DNAJC13: variants seen among roughly 807,000 people sequenced by gnomAD.
DNAJC13 encodes the protein DnaJ heat shock protein family (Hsp40) member C13, also known as dnaJ homolog subfamily C member 13.
In DNAJC13, 75 loss-of-function variants were observed where a neutral mutation model predicts 290.5. That is an observed-to-expected ratio of 0.26 (90% CI 0.21 to 0.31). DNAJC13 has a LOEUF of 0.31. DNAJC13 is among the 10% of genes least tolerant of loss of function. The probability of loss-of-function intolerance (pLI) is 1.00; values close to 1 mark genes in which losing one functional copy is unlikely to be tolerated. For synonymous variants in DNAJC13, 862 were observed against 892.0 expected (o/e 0.97, Z 0.60); for missense variants, 2,260 against 2,674.5 (o/e 0.85, Z 3.42).
intron 35 of DNAJC13, among the ~76,000 whole-genome samples, chr3:132,496,254 G>C (rs1270624542): frequency 6.6e-6 from 1 of 152,032 alleles, no homozygotes; most frequent in Non-Finnish European, 1.5e-5. Flanking sequence ...ACTCTCTCTA[G>C]TATGTATGAG....
chr3:132,460,920 C>T, intron 14 of DNAJC13, 130 bp from the exon 15 acceptor site: 4 of 851,312 alleles, frequency 4.7e-6, no homozygotes, highest in Non-Finnish European at 7.1e-6. Flanking sequence ...CTTTGAACCT[C>T]ATGTTGAGAA....
chr3:132,500,249 G>A (rs772203443), intron 38 of DNAJC13, among the ~76,000 whole-genome samples: 3 of 152,176 alleles, frequency 2.0e-5, no homozygotes, highest in East Asian at 3.8e-4. Context: ...TTTGTAGAGC[G>A]TGTCTTTCTA....
At chr3:132,487,439 G>C (rs1934914082) in intron 29 of DNAJC13, among the ~76,000 whole-genome samples, 1 of 151,460 alleles carries the variant, frequency 6.6e-6, no homozygotes, top group Non-Finnish European at 1.5e-5. Context: ...TGTACTTTTA[G>C]TAGAGACGGG....
chr3:132,517,104 C>T (rs1935943749), intron 48 of DNAJC13, among the ~76,000 whole-genome samples: 1 of 152,188 alleles, frequency 6.6e-6, no homozygotes, highest in South Asian at 2.1e-4. Context: ...AAGACTATGA[C>T]AGAAGATAGG....
chr3:132,499,687 A>T (rs1165627070), intron 37 of DNAJC13, 47 bp from the exon 38 acceptor site: 1 of 1,562,166 alleles, frequency 6.4e-7, no homozygotes. Context: ...GGCCTTTCAG[A>T]CTTGAAGTCA....
intron 55 of DNAJC13, among the ~76,000 whole-genome samples, chr3:132,533,050 C>T (rs866373221): frequency 7.6e-6 from 1 of 131,334 alleles, no homozygotes. Flanking sequence ...TGAGACACCA[C>T]ACCTGGCTTT....
chr3:132,435,043 C>T (rs1022084216), intron 2 of DNAJC13, among the ~76,000 whole-genome samples: 18 of 151,966 alleles, frequency 1.2e-4, no homozygotes, highest in African/African-American at 4.1e-4. Context: ...TTTTTTAGGC[C>T]TGTAATGAAA....
chr3:132,424,583 A>G (rs1214887695), intron 1 of DNAJC13, among the ~76,000 whole-genome samples: 1 of 150,574 alleles, frequency 6.6e-6, no homozygotes, highest in Non-Finnish European at 1.5e-5. Context: ...TATTTCAGCT[A>G]CCCTATGGTA....
intron 5 of DNAJC13, 149 bp from the exon 6 acceptor site, chr3:132,450,498 T>C (rs564892824): frequency 8.9e-6 from 5 of 559,054 alleles, no homozygotes; most frequent in Admixed American, 6.4e-5. Flanking sequence ...TTAAAATTAA[T>C]CATAGTTTTA....
chr3:132,462,614 G>A, intron 16 of DNAJC13, 91 bp downstream of exon 16: 4 of 853,788 alleles, frequency 4.7e-6, no homozygotes, highest in Non-Finnish European at 7.2e-6. Context: ...AGTCTTTTTG[G>A]GAAATAAACA....
At chr3:132,502,849 G>C (rs1328978247) in intron 40 of DNAJC13, among the ~76,000 whole-genome samples, 1 of 152,116 alleles carries the variant, frequency 6.6e-6, no homozygotes. Flanking sequence ...ATATTTTTCT[G>C]TCTCTTCTAT....
At chr3:132,532,391 T>C (rs1435255820) in intron 55 of DNAJC13, among the ~76,000 whole-genome samples, 1 of 152,200 alleles carries the variant, frequency 6.6e-6, no homozygotes, top group East Asian at 1.9e-4. Context: ...TTGACACTCC[T>C]AAAGTTGGAG....
chr3:132,420,657 C>G (rs1284623064), intron 1 of DNAJC13, among the ~76,000 whole-genome samples: 3 of 151,966 alleles, frequency 2.0e-5, no homozygotes, highest in Non-Finnish European at 4.4e-5. Flanking sequence ...CACAAAGAAT[C>G]AAACAGGCAT....
At chr3:132,457,221 T>C (rs1422701510) in intron 12 of DNAJC13, 48 bp from the exon 13 acceptor site, 1 of 1,338,888 alleles carries the variant, frequency 7.5e-7, no homozygotes. Flanking sequence ...TATAACAATT[T>C]AAAATGTTCT....
At chr3:132,487,655 T>A (rs1934925741) in intron 29 of DNAJC13, among the ~76,000 whole-genome samples, 1 of 151,186 alleles carries the variant, frequency 6.6e-6, no homozygotes, top group African/African-American at 2.4e-5. Flanking sequence ...GACACCTTTA[T>A]TAAGCTTCGT....
At chr3:132,483,262 T>C in intron 27 of DNAJC13, 113 bp from the exon 28 acceptor site, 1 of 984,556 alleles carries the variant, frequency 1.0e-6, no homozygotes, top group South Asian at 1.7e-5. Flanking sequence ...TCTGAAATAG[T>C]GTACTTACAT....
chr3:132,535,921 CATTTGTAGAACTATCCG>C (rs772418544), intron 55 of DNAJC13, among the ~76,000 whole-genome samples: 1 of 152,202 alleles, frequency 6.6e-6, no homozygotes, highest in Non-Finnish European at 1.5e-5. Context: ...TCTCGGATTT[CATTTGTAGAACTATCCG>C]GGAATTGATT....
intron 5 of DNAJC13, among the ~76,000 whole-genome samples, 189 bp downstream of exon 5, chr3:132,448,128 A>T (rs1413990302): frequency 6.6e-6 from 1 of 152,160 alleles, no homozygotes; most frequent in Non-Finnish European, 1.5e-5. Flanking sequence ...TAGATTTAAG[A>T]ATGTTGATAC....
chr3:132,480,144 T>G (rs989196835), intron 25 of DNAJC13, among the ~76,000 whole-genome samples: 1 of 152,186 alleles, frequency 6.6e-6, no homozygotes, highest in Admixed American at 6.5e-5. Flanking sequence ...GATCTCTTTG[T>G]AATATAGTTT....
Sources: gnomAD v4.1 joint callset for allele counts (sites outside exome capture counted in the v4.1 genomes callset) on GRCh38, gnomAD v4.1.1 for gene constraint, MANE v1.5 for transcripts, NCBI Gene and HGNC (gene_info 2026-07-23, HGNC 2026-07-21) for gene names.